The following FILIP1 variants were observed in gnomAD, a reference collection of about 807,000 sequenced individuals.
FILIP1 encodes the protein filamin A interacting protein 1.
FILIP1 carries 61 observed loss-of-function variants against 102.1 expected under a neutral mutation model. That is an observed-to-expected ratio of 0.60 (90% CI 0.49 to 0.74). FILIP1 has a LOEUF of 0.74. Among genes scored for constraint, FILIP1 ranks in the 30% least tolerant of loss-of-function variants. The pLI, the probability that FILIP1 is intolerant of heterozygous loss-of-function variation, is 0.00. For synonymous variants in FILIP1, 491 were observed against 526.9 expected (o/e 0.93, Z 0.93); for missense variants, 1,314 against 1,441.2 (o/e 0.91, Z 1.43).
intron 2 of FILIP1, among the ~76,000 whole-genome samples, chr6:75,376,374 C>T (rs1164586358): frequency 2.6e-5 from 4 of 152,110 alleles, no homozygotes; most frequent in African/African-American, 9.7e-5. Flanking sequence ...GCAATAGCTA[C>T]CTCACAGATT....
At chr6:75,390,558 G>A (rs1334516406) in intron 2 of FILIP1, among the ~76,000 whole-genome samples, 2 of 152,062 alleles carry the variant, frequency 1.3e-5, no homozygotes, top group African/African-American at 4.8e-5. Flanking sequence ...GAGCAAGAGA[G>A]CAAGGCGAGA....
At position 75,308,820 on chromosome 6, in the gene FILIP1, T is replaced by C; in HGVS notation, c.3513A>G (p.Pro1171=). The stretch of plus-strand genomic sequence containing the variant: ...TTCCTGCTCCTGGGGCTGCCACTAC[T>C]GGCTTTCCTGCTTTCATACCTTTTG... ...PMSKGMKAGK[P]VVAAPGAGNL... is the part of the protein sequence containing the mutation. Residue 1171 remains proline (P), a synonymous_variant, in exon 6 of 6, where the codon CCA becomes CCG. Transcript: ENST00000237172. The C allele has an allele frequency of 1.2e-6, 2 of 1,614,152 alleles. No homozygotes were observed. Among genetic ancestry groups the C allele is most frequent in the Non-Finnish European group, 1.7e-6 (2 of 1,180,018 alleles).
At chr6:75,405,988 C>T (rs1395864709) in intron 2 of FILIP1, among the ~76,000 whole-genome samples, 11 of 152,184 alleles carry the variant, frequency 7.2e-5, no homozygotes, top group Admixed American at 6.5e-4. Context: ...AACTTCTCAA[C>T]CCACTGAAAA....
At chr6:75,306,887 C>T (rs561419715), downstream of FILIP1, among the ~76,000 whole-genome samples, 1 of 144,498 alleles carries the variant, frequency 6.9e-6, no homozygotes, top group South Asian at 2.2e-4. Context: ...ACTGCAACCT[C>T]TGCCTCCCAG....
intron 2 of FILIP1, among the ~76,000 whole-genome samples, chr6:75,408,446 AACAAAACAG>A (rs1334986120): frequency 3.3e-5 from 5 of 152,210 alleles, no homozygotes; most frequent in African/African-American, 1.2e-4. Context: ...TGGACTGGCA[AACAAAACAG>A]CAAATGTGCA....
intron 1 of FILIP1, among the ~76,000 whole-genome samples, chr6:75,454,242 C>T (rs145565608): frequency 2.0e-5 from 3 of 152,224 alleles, no homozygotes; most frequent in African/African-American, 7.2e-5. Flanking sequence ...AGTGGAGAGG[C>T]CTTTACTTCC....
intron 1 of FILIP1, among the ~76,000 whole-genome samples, chr6:75,427,225 T>C (rs1034393736): frequency 1.3e-5 from 2 of 152,134 alleles, no homozygotes; most frequent in Non-Finnish European, 2.9e-5. Context: ...TCTCTACCTC[T>C]GGCAAGGATT....
intron 2 of FILIP1, among the ~76,000 whole-genome samples, chr6:75,376,972 T>G (rs959072178): frequency 2.6e-5 from 4 of 152,200 alleles, no homozygotes; most frequent in Non-Finnish European, 5.9e-5. Context: ...AATGTCTTAC[T>G]ATTTTTTCTA....
At chr6:75,356,390 C>G (rs146983808) in intron 3 of FILIP1, among the ~76,000 whole-genome samples, 3 of 152,126 alleles carry the variant, frequency 2.0e-5, no homozygotes, top group Non-Finnish European at 4.4e-5. Flanking sequence ...GAGAAGCCCA[C>G]GTTAATGGGT....
In FILIP1 at chr6:75,394,594, C is replaced by T. The variant is rs75884002; in HGVS notation, c.276+20103G>A. ...AAGCTCTCATTAATCAATAAAAGAC[C>T]AACAATTCAATGGAAAAACAGGCAA... On this transcript the variant is annotated intron_variant, in intron 2 of 5. Transcript: ENST00000237172. 7.4e-3 allele frequency among the ~76,000 whole-genome samples: 1,120 copies of T among 152,018 alleles called. 37 individuals carry two copies. In the East Asian group the frequency reaches 0.11, roughly 14 times the overall value.
chr6:75,440,793 T>C (rs2149719489), intron 1 of FILIP1, among the ~76,000 whole-genome samples: 1 of 151,948 alleles, frequency 6.6e-6, no homozygotes, highest in Middle Eastern at 3.4e-3. Flanking sequence ...CTACTAAAAA[T>C]ACAAAATTAG....
intron 4 of FILIP1, among the ~76,000 whole-genome samples, chr6:75,316,638 T>C (rs1176758030): frequency 1.3e-5 from 2 of 152,170 alleles, no homozygotes; most frequent in South Asian, 2.1e-4. Context: ...GTCGTTAAGA[T>C]TTTTTCATAG....
chr6:75,402,163 T>C (rs557978913), intron 2 of FILIP1, among the ~76,000 whole-genome samples: 2 of 152,288 alleles, frequency 1.3e-5, no homozygotes, highest in African/African-American at 4.8e-5. Context: ...GCGGACATTA[T>C]TCTCACTGCA....
At chr6:75,435,020 A>G (rs1777965752) in intron 1 of FILIP1, among the ~76,000 whole-genome samples, 1 of 152,220 alleles carries the variant, frequency 6.6e-6, no homozygotes, top group South Asian at 2.1e-4. Context: ...CCAGCCTTGC[A>G]TCCCAGGGAT....
At chr6:75,381,823 T>C (rs973058619) in intron 2 of FILIP1, among the ~76,000 whole-genome samples, 1 of 152,248 alleles carries the variant, frequency 6.6e-6, no homozygotes, top group Non-Finnish European at 1.5e-5. Flanking sequence ...TTATTTAATT[T>C]ACTGCTTCTT....
At chr6:75,374,599 C>T (rs367711239) in intron 2 of FILIP1, among the ~76,000 whole-genome samples, 1 of 152,228 alleles carries the variant, frequency 6.6e-6, no homozygotes. Flanking sequence ...AGGCTGGTCT[C>T]GAACTCCTGA....
chr6:75,306,755 T>TC (rs397953600), downstream of FILIP1, among the ~76,000 whole-genome samples: 29 of 151,626 alleles, frequency 1.9e-4, no homozygotes, highest in South Asian at 5.4e-3. Context: ...TTCTTTTTTT[T>TC]CCTTTTTTAT....
intron 1 of FILIP1, among the ~76,000 whole-genome samples, chr6:75,462,965 T>C (rs1430333186): frequency 6.6e-6 from 1 of 152,192 alleles, no homozygotes; most frequent in Non-Finnish European, 1.5e-5. Flanking sequence ...GCTACTCAGA[T>C]GTTTATTTTT....
intron 1 of FILIP1, among the ~76,000 whole-genome samples, chr6:75,477,376 C>T (rs1180001368): frequency 6.6e-6 from 1 of 151,864 alleles, no homozygotes; most frequent in Admixed American, 6.6e-5. Flanking sequence ...AGAATGACTA[C>T]AATCAATAAT....
Sources: gnomAD v4.1 joint callset for allele counts (sites outside exome capture counted in the v4.1 genomes callset) on GRCh38, gnomAD v4.1.1 for gene constraint, MANE v1.5 for transcripts, NCBI Gene and HGNC (gene_info 2026-07-23, HGNC 2026-07-21) for gene names.